The following ITGA2B variants were observed in gnomAD, a reference collection of about 807,000 sequenced individuals.
The protein encoded by ITGA2B is integrin alpha-IIb.
In ITGA2B, 91 loss-of-function variants were observed where a neutral mutation model predicts 142.0. The observed-to-expected ratio is 0.64, with a 90% CI of 0.54 to 0.76. The LOEUF (loss-of-function observed/expected upper bound fraction) is 0.76, where lower values mean the gene tolerates loss of function less well. ITGA2B is among the 30% of genes least tolerant of loss of function. The pLI is 0.00. For synonymous variants in ITGA2B, 536 were observed against 567.2 expected (o/e 0.94, Z 0.78); for missense variants, 1,231 against 1,350.8 (o/e 0.91, Z 1.39).
rs747805041 is a variant in ITGA2B, at chr17:44,377,719, G to A, written c.2166C>T (p.Asn722=). 5.6e-5 allele frequency: 91 copies of A among 1,613,452 alleles called. No individual in the cohort carries two copies. Residue 722 remains asparagine, a synonymous_variant, in exon 21 of 30, where the codon AAC becomes AAT. Transcript: ENST00000262407. ...TCACCTGGGCGTTCTTCTTCATGGG[G>A]TTGCCCAGCTCACACAGCACCACCC... ...ETRVVLCELG[N]PMKKNAQIGI...
chr17:44,385,197 C>G lies in ITGA2B; in HGVS notation c.637G>C (p.Val213Leu). 6.2e-7 allele frequency: 1 copy of G among 1,614,060 alleles called. No homozygotes were observed. The highest frequency in any genetic ancestry group is 8.5e-7 in the Non-Finnish European group (1 of 1,180,010). The change falls in exon 6 of 30, where the codon GTG becomes CTG. Residue 213 changes from valine (V) to leucine (L), a missense_variant. By Grantham distance (32) the Val-to-Leu change is conservative (BLOSUM62 1). Around this residue, in one of 3 missense-constraint regions of ITGA2B, gnomAD observed 318 missense variants for 312.2 expected, o/e 1.02. Coordinates refer to ENST00000262407, the MANE Select transcript of ITGA2B (RefSeq NM_000419.5). ...TAATAGCCGCCAGGAGCCCCAAGCA[C>G]CAGCTCTCCGGCCTGGAAGGGAAGT... ...SSVVTQAGEL[V>L]LGAPGGYYFL... is the part of the protein sequence containing the mutation.
chr17:44,388,523 A>AT (rs544835449), intron 1 of ITGA2B, among the ~76,000 whole-genome samples: 1,963 of 133,310 alleles, frequency 0.015, 38 homozygotes, highest in Admixed American at 0.057. Context: ...CGCCCGGCTA[A>AT]TTTTTTTTTT....
chr17:44,384,949 C>G lies in ITGA2B; in HGVS notation c.798G>C (p.Trp266Cys). ...GGAAGTCTGGAATGGCGGTGTTACC[C>G]CAGTAGCCGTCGAAGTACTCTGGGT... ...SSNPEYFDGY[W>C]GYSVAVGEFD... Residue 266 changes from tryptophan to cysteine, a missense_variant and splice_region_variant, in exon 7 of 30, where the codon TGG becomes TGC. Transcript: ENST00000262407. 1 of 1,614,012 alleles carries G rather than the reference C, an allele frequency of 6.2e-7. No individual in the cohort carries two copies. Among genetic ancestry groups the G allele is most frequent in the Non-Finnish European group, 8.5e-7 (1 of 1,180,000 alleles).
intron 1 of ITGA2B, among the ~76,000 whole-genome samples, chr17:44,388,957 G>A (rs541205026): frequency 1.1e-4 from 17 of 152,012 alleles, no homozygotes; most frequent in South Asian, 2.1e-4. Context: ...GAGCCACCGC[G>A]CCCGGCCTCC....
chr17:44,374,910 T>C, intron 27 of ITGA2B, 88 bp downstream of exon 27: 1 of 1,311,310 alleles, frequency 7.6e-7, no homozygotes, highest in Non-Finnish European at 1.1e-6. Context: ...CCTCTCTTCC[T>C]GCCCTCCCAC....
In ITGA2B at chr17:44,389,616, C is replaced by CTTTGCTCTGCCCGTTG; in HGVS notation, c.-144_-143insCAACGGGCAGAGCAAA. The stretch of plus-strand genomic sequence containing the variant: ...ACGGGCAGAGCAAAGGGCTATAGCC[C>CTTTGCTCTGCCCGTTG]CTGGACTCATGGTGGCTAGAATTGC... On this transcript the variant is annotated 5_prime_UTR_variant, in exon 1 of 30. It introduces an in-frame stop codon into an upstream open reading frame of the 5' UTR. Transcript: ENST00000262407. The CTTTGCTCTGCCCGTTG allele has an allele frequency of 2.2e-6, 2 of 905,968 alleles. No individual in the cohort carries two copies. The highest frequency in any genetic ancestry group is 3.4e-6 in the Non-Finnish European group (2 of 593,042). The allele number at this position is 905,968 out of a possible 1,614,324, so 56.1% of individuals were successfully genotyped here.
In ITGA2B at chr17:44,378,503, G is replaced by C; in HGVS notation, c.1953C>G (p.Gly651=). The C allele has an allele frequency of 6.2e-7, 1 of 1,613,744 alleles. No homozygotes were observed. The highest frequency in any genetic ancestry group is 8.5e-7 in the Non-Finnish European group (1 of 1,179,936). The change falls in exon 20 of 30, where the codon GGC becomes GGG. Residue 651 remains glycine (G), a synonymous_variant. Transcript: ENST00000262407. Reference sequence around the variant, plus strand: ...TATCTGCCCCAACTAGGAGCGGGGAGCCCGTCCTGTGGGGAAAGAGGAGTG... The same window carrying C: ...TATCTGCCCCAACTAGGAGCGGGGACCCCGTCCTGTGGGGAAAGAGGAGTG... ...PQLQLTASVT[G]SPLLVGADNV...
rs1343403579 is a variant in ITGA2B, at chr17:44,378,684, T to C, written c.1905A>G (p.Glu635=). The change falls in exon 19 of 30, where the codon GAA becomes GAG. Residue 635 remains glutamate, a synonymous_variant. Transcript: ENST00000262407. ...GAAGCTGGGGCACACATACGTCATC[T>C]TCCCCACAGTCCAGGACGATTCGTG... ...EQTRIVLDCG[E]DDVCVPQLQL... is the part of the protein sequence containing the mutation. 2 of 1,559,434 alleles carry C rather than the reference T, an allele frequency of 1.3e-6. No individual in the cohort carries two copies. Among genetic ancestry groups the C allele is most frequent in the South Asian group, 2.4e-5 (2 of 84,546 alleles).
Position 44,384,539 on chromosome 17 carries a change from T to C in ITGA2B, c.846A>G (p.Thr282=). ...TCCCGCCCTAAGTGGATTTCTTGCC[T>C]GTAGTGTTGAGATCCCCGTCGAACT... is the stretch of plus-strand genomic sequence containing the variant. The part of the protein sequence containing the change: ...VGEFDGDLNT[T]EYVVGAPTWS... Residue 282 remains threonine (T), a splice_region_variant and synonymous_variant, in exon 8 of 30, where the codon ACA becomes ACG. Coordinates refer to ENST00000262407, the MANE Select transcript of ITGA2B (RefSeq NM_000419.5). 1 of 1,613,964 alleles carries C rather than the reference T, an allele frequency of 6.2e-7. No homozygotes were observed. The highest frequency in any genetic ancestry group is 8.5e-7 in the Non-Finnish European group (1 of 1,179,998).
intron 29 of ITGA2B, among the ~76,000 whole-genome samples, chr17:44,373,607 T>C (rs1598375173): frequency 6.6e-6 from 1 of 152,118 alleles, no homozygotes; most frequent in Non-Finnish European, 1.5e-5. Flanking sequence ...CAGGGCCACA[T>C]AGGAAGGGAG....
intron 29 of ITGA2B, 82 bp downstream of exon 29, chr17:44,374,272 C>T: frequency 2.4e-6 from 3 of 1,247,316 alleles, no homozygotes; most frequent in Non-Finnish European, 3.5e-6. Flanking sequence ...GGGTGGGCCA[C>T]CATCTCTCCT....
rs367831764 is a variant in ITGA2B at position 44,380,889 on chromosome 17, G to A, written c.1383C>T (p.Asn461=). ...GGCAGTCCAGGGCACCTGGGTATCC[G>A]TTGTCATCGATGTCTACGGCACCTC... ...SLRGAVDIDD[N]GYPDLIVGAY... The change falls in exon 13 of 30, where the codon AAC becomes AAT. Residue 461 remains asparagine (N), a synonymous_variant. Transcript: ENST00000262407. The A allele has an allele frequency of 4.6e-5, 74 of 1,614,104 alleles. No homozygotes were observed. The highest frequency in any genetic ancestry group is 6.7e-5 in the African/African-American group (5 of 74,934).
Position 44,384,681 on chromosome 17 carries a change from C to A in ITGA2B, c.800-96G>T. Reference sequence around the variant, plus strand: ...GGAGATTAAGGCCACTCAGCCCCAGCCCTGCATTGTGCAGATGGAAAAACG... The same window carrying A: ...GGAGATTAAGGCCACTCAGCCCCAGACCTGCATTGTGCAGATGGAAAAACG... On this transcript the variant is annotated intron_variant, in intron 7 of 29. Coordinates refer to ENST00000262407, the MANE Select transcript of ITGA2B (RefSeq NM_000419.5). 4 of 1,443,324 alleles carry A rather than the reference C, an allele frequency of 2.8e-6. No homozygotes were observed. In the Admixed American group the frequency reaches 6.7e-5, roughly 24 times the overall value. 89.4% of individuals were successfully genotyped at this position (1,443,324 alleles called of 1,614,324 possible).
At chr17:44,387,471 C>T (rs180703386) in intron 1 of ITGA2B, among the ~76,000 whole-genome samples, 19 of 151,312 alleles carry the variant, frequency 1.3e-4, no homozygotes, top group Admixed American at 6.6e-5. Context: ...TGCAGTGAGC[C>T]GAGATCACCC....
At chr17:44,386,730 C>T (rs1295790319) in intron 1 of ITGA2B, among the ~76,000 whole-genome samples, 1 of 152,172 alleles carries the variant, frequency 6.6e-6, no homozygotes, top group Non-Finnish European at 1.5e-5. Flanking sequence ...ATACGAGTAA[C>T]GGTTAGCATG....
At chr17:44,387,826 C>CAAAAAAAAAAAA (rs980395817) in intron 1 of ITGA2B, among the ~76,000 whole-genome samples, 4 of 24,560 alleles carry the variant, frequency 1.6e-4, no homozygotes, top group African/African-American at 4.0e-4. Flanking sequence ...AACCCCATCT[C>CAAAAAAAAAAAA]AAAAAAAAAA....
intron 24 of ITGA2B, 39 bp from the exon 25 acceptor site, chr17:44,376,024 G>A (rs759805763): frequency 8.7e-6 from 14 of 1,614,002 alleles, no homozygotes; most frequent in African/African-American, 2.7e-5. Context: ...GGAGCTTAGC[G>A]CCTCACCCGG....
At chr17:44,388,347 CTTTCT>C (rs1308060875) in intron 1 of ITGA2B, among the ~76,000 whole-genome samples, 26 of 143,086 alleles carry the variant, frequency 1.8e-4, no homozygotes, top group African/African-American at 6.3e-4. Flanking sequence ...TCCACATTTC[CTTTCT>C]TTTTTTTTTT....
rs891329876 is a variant in ITGA2B, at chr17:44,372,266, G to A, written c.*98C>T. On this transcript the variant is annotated 3_prime_UTR_variant, in exon 30 of 30. Transcript: ENST00000262407. ...GAAACGACACCAAGAGGACCCAATG[G>A]AACAGCTCCAACCCAAAGCTTGGAG... The A allele has an allele frequency of 7.9e-6, 10 of 1,260,878 alleles. No homozygotes were observed. The Admixed American group carries it at 8.6e-5, about 11-fold the overall frequency. The allele number at this position is 1,260,878 out of a possible 1,614,324, so 78.1% of individuals were successfully genotyped here.
Sources: allele counts gnomAD v4.1 joint callset (sites outside exome capture counted in the v4.1 genomes callset), GRCh38; gene constraint gnomAD v4.1.1; regional missense constraint gnomAD v4.1.1; transcripts MANE v1.5; gene names NCBI Gene and HGNC (gene_info 2026-07-23, HGNC 2026-07-21).